ATXN7L1: variants seen among roughly 807,000 people sequenced by gnomAD.
The protein encoded by ATXN7L1 is ataxin 7 like 1.
ATXN7L1 carries 15 observed loss-of-function variants against 70.8 expected under a neutral mutation model. The ratio of observed to expected loss-of-function variants is 0.21; its 90% CI spans 0.14 to 0.33. The LOEUF (loss-of-function observed/expected upper bound fraction) is 0.33. Among genes scored for constraint, ATXN7L1 ranks in the 10% least tolerant of loss-of-function variants. ATXN7L1 has a pLI of 1.00. For missense variants in ATXN7L1, 975 were observed against 1,097.1 expected (o/e 0.89, Z 1.57); for synonymous variants, 440 against 445.1 (o/e 0.99, Z 0.14).
chr7:105,853,965 G>A (rs909115256), intron 2 of ATXN7L1, among the ~76,000 whole-genome samples: 2 of 152,032 alleles, frequency 1.3e-5, no homozygotes, highest in Non-Finnish European at 2.9e-5. Flanking sequence ...ACCTCCACAG[G>A]GGCCTAACAT....
At chr7:105,641,607 C>T (rs1798267403) in intron 5 of ATXN7L1, among the ~76,000 whole-genome samples, 1 of 152,260 alleles carries the variant, frequency 6.6e-6, no homozygotes. Context: ...CCTCCAGCCA[C>T]TGTGCCCACG....
chr7:105,775,445 A>C (rs1390746648), intron 3 of ATXN7L1, among the ~76,000 whole-genome samples: 1 of 152,204 alleles, frequency 6.6e-6, no homozygotes, highest in Non-Finnish European at 1.5e-5. Flanking sequence ...GGTTTCTAGC[A>C]TGTGACACTC....
chr7:105,653,730 C>A (rs1331374900), intron 4 of ATXN7L1, among the ~76,000 whole-genome samples: 2 of 152,136 alleles, frequency 1.3e-5, no homozygotes, highest in Admixed American at 1.3e-4. Context: ...GTAACCTTCA[C>A]AGCCTGGCCC....
intron 3 of ATXN7L1, among the ~76,000 whole-genome samples, chr7:105,746,808 C>A (rs1043797089): frequency 1.3e-5 from 2 of 152,254 alleles, no homozygotes; most frequent in Middle Eastern, 3.4e-3. Flanking sequence ...AAAATGCACA[C>A]TCATTTATTT....
At chr7:105,634,858 T>A (rs545237769) in intron 7 of ATXN7L1, among the ~76,000 whole-genome samples, 2 of 151,808 alleles carry the variant, frequency 1.3e-5, no homozygotes, top group African/African-American at 2.4e-5. Context: ...GGCAAGAGGA[T>A]TGCTTGAGCC....
chr7:105,812,331 T>C (rs1367450254), intron 2 of ATXN7L1, among the ~76,000 whole-genome samples: 2 of 152,106 alleles, frequency 1.3e-5, no homozygotes, highest in African/African-American at 4.8e-5. Context: ...AAAAGCAAGG[T>C]TTCTTAAGTT....
intron 11 of ATXN7L1, 111 bp from the exon 12 acceptor site, chr7:105,608,001 C>T: frequency 1.0e-6 from 1 of 972,616 alleles, no homozygotes; most frequent in South Asian, 1.4e-5. Context: ...AGGACAATAT[C>T]CCACCTCCCA....
At chr7:105,619,140 GTTTTTTTTTT>G (rs1191774371) in intron 9 of ATXN7L1, among the ~76,000 whole-genome samples, 12 of 49,844 alleles carry the variant, frequency 2.4e-4, no homozygotes, top group South Asian at 2.8e-3. Flanking sequence ...GAAATCTTTA[GTTTTTTTTTT>G]TTTTTTTTTT....
chr7:105,730,439 G>A (rs1204625264), intron 3 of ATXN7L1, among the ~76,000 whole-genome samples: 1 of 152,020 alleles, frequency 6.6e-6, no homozygotes, highest in Non-Finnish European at 1.5e-5. Flanking sequence ...GCACAGCTAA[G>A]AGGAGGCTAA....
Position 105,643,058 on chromosome 7 carries a change from A to C in ATXN7L1, c.642T>G (p.Asn214Lys). The change falls in exon 5 of 12, where the codon AAT (asparagine) becomes AAG (lysine). Residue 214 changes from asparagine (N) to lysine (K), a missense_variant. Coordinates refer to ENST00000419735, the MANE Select transcript of ATXN7L1 (RefSeq NM_020725.2). ...TAGTGGTTGTGGAGTTCATTTTGAC[A>C]TTGGCACCATCTGCCTTCACTAGGT... is the stretch of plus-strand genomic sequence containing the variant. ...IPNLVKADGA[N>K]VKMNSTTTTA... is the part of the protein sequence containing the mutation. The C allele has an allele frequency of 6.5e-7, 1 of 1,549,556 alleles. No homozygotes were observed. The highest frequency in any genetic ancestry group is 1.2e-5 in the South Asian group (1 of 83,904).
intron 2 of ATXN7L1, among the ~76,000 whole-genome samples, chr7:105,808,599 A>G (rs1258210254): frequency 2.0e-5 from 3 of 152,372 alleles, no homozygotes; most frequent in Non-Finnish European, 4.4e-5. Context: ...CTAAGCAGAG[A>G]GAATTCCTTG....
chr7:105,781,410 A>T (rs561945888), intron 3 of ATXN7L1, among the ~76,000 whole-genome samples: 20 of 152,206 alleles, frequency 1.3e-4, no homozygotes, highest in East Asian at 7.7e-4. Context: ...GTAATAAAAA[A>T]TTTTTTTCCA....
At chr7:105,740,007 A>G (rs974928172) in intron 3 of ATXN7L1, among the ~76,000 whole-genome samples, 1 of 152,232 alleles carries the variant, frequency 6.6e-6, no homozygotes, top group Non-Finnish European at 1.5e-5. Context: ...ACTTTTCATG[A>G]AGACTATATA....
At chr7:105,706,924 T>C (rs1223744167) in intron 3 of ATXN7L1, among the ~76,000 whole-genome samples, 1 of 152,266 alleles carries the variant, frequency 6.6e-6, no homozygotes, top group East Asian at 1.9e-4. Context: ...GATGCCATTG[T>C]ACAATGGCAA....
At chr7:105,684,490 G>C (rs951256472) in intron 3 of ATXN7L1, among the ~76,000 whole-genome samples, 2 of 152,188 alleles carry the variant, frequency 1.3e-5, no homozygotes, top group African/African-American at 2.4e-5. Context: ...AATGCAGCCA[G>C]AGATCCAATC....
At chr7:105,740,947 G>C (rs1346180732) in intron 3 of ATXN7L1, among the ~76,000 whole-genome samples, 5 of 151,822 alleles carry the variant, frequency 3.3e-5, no homozygotes, top group Non-Finnish European at 7.4e-5. Flanking sequence ...TGTATTTTTA[G>C]TAGAGATGGG....
intron 7 of ATXN7L1, among the ~76,000 whole-genome samples, chr7:105,635,274 T>C (rs1797188661): frequency 6.6e-6 from 1 of 152,222 alleles, no homozygotes; most frequent in South Asian, 2.1e-4. Context: ...CTCGGGCTTT[T>C]TGGAGCAAGC....
chr7:105,656,814 AC>A (rs1800723999), intron 4 of ATXN7L1, among the ~76,000 whole-genome samples: 1 of 151,654 alleles, frequency 6.6e-6, no homozygotes, highest in East Asian at 1.9e-4. Flanking sequence ...CAGGTGGTCC[AC>A]CCGCCTCGGC....
At chr7:105,696,494 A>G (rs1264364392) in intron 3 of ATXN7L1, among the ~76,000 whole-genome samples, 1 of 152,184 alleles carries the variant, frequency 6.6e-6, no homozygotes, top group African/African-American at 2.4e-5. Context: ...TTTTAAGCCA[A>G]AAAAGAAGGA....
Sources: allele counts gnomAD v4.1 joint callset (sites outside exome capture counted in the v4.1 genomes callset), GRCh38; gene constraint gnomAD v4.1.1; transcripts MANE v1.5; gene names NCBI Gene and HGNC (gene_info 2026-07-23, HGNC 2026-07-21).